Variants in SMYD3 observed in about 807,000 individuals in gnomAD.
SMYD3 encodes histone-lysine N-methyltransferase SMYD3.
In SMYD3, 36 loss-of-function variants were observed where a neutral mutation model predicts 57.7. The observed-to-expected ratio is 0.62, with a 90% CI of 0.48 to 0.82. The LOEUF is 0.82. Ranked by LOEUF, SMYD3 falls within the 40% of genes least tolerant of loss-of-function variation. SMYD3 has a pLI of 0.00. For missense variants in SMYD3, 515 were observed against 538.8 expected, an observed-to-expected ratio of 0.96 and a Z score of 0.44; for synonymous variants, 211 against 195.0, an observed-to-expected ratio of 1.08 and a Z score of -0.68.
At chr1:246,450,933 G>A (rs2067623558) in intron 1 of SMYD3, among the ~76,000 whole-genome samples, 1 of 152,042 alleles carries the variant, frequency 6.6e-6, no homozygotes, top group Admixed American at 6.5e-5. Flanking sequence ...ACTGTTCAGT[G>A]TACATGACTC....
chr1:246,332,674 G>C (rs1483019344), intron 3 of SMYD3, among the ~76,000 whole-genome samples: 5 of 152,208 alleles, frequency 3.3e-5, no homozygotes, highest in Non-Finnish European at 4.4e-5. Flanking sequence ...TGGCCATGGT[G>C]GTGGGCGCCT....
chr1:246,312,436 AAAAC>A (rs2065095329), intron 5 of SMYD3, among the ~76,000 whole-genome samples: 2 of 152,158 alleles, frequency 1.3e-5, no homozygotes, highest in Admixed American at 1.3e-4. Flanking sequence ...ATATAAAAAT[AAAAC>A]AATAGAGTCA....
chr1:245,953,156 T>A (rs768655120), intron 5 of SMYD3: 1 of 851,888 alleles, frequency 1.2e-6, no homozygotes. Context: ...CAAAGAGGAA[T>A]TGAAGCTAGT....
rs556362777 is a variant in SMYD3, at chr1:246,507,038, G to C, written c.164+16C>G. 172 of 1,496,762 alleles carry C rather than the reference G, an allele frequency of 1.1e-4. 1 individual carries two copies. In the African/African-American group the frequency reaches 2.2e-3, roughly 19 times the overall value. The allele number at this position is 1,496,762 out of a possible 1,614,324, so 92.7% of individuals were successfully genotyped here. ...ACAGCTCGCGACTCAGGTAGGCGAG[G>C]GCGCTCCTTACGCACCCGAGAAGGC... On this transcript the variant is annotated intron_variant, in intron 1 of 11. Transcript: ENST00000490107.
chr1:246,221,313 T>C lies in SMYD3; in HGVS notation c.531+105888A>G, dbSNP rs527996455. On this transcript the variant is annotated intron_variant, in intron 5 of 11. Coordinates refer to ENST00000490107, the MANE Select transcript of SMYD3 (RefSeq NM_001167740.2). The stretch of plus-strand genomic sequence containing the variant: ...GTTCTATTGCTCAGTAAAGCTCCTC[T>C]TCATCCTGCTCACCCTCCACATTGC... 5.3e-5 allele frequency among the ~76,000 whole-genome samples: 8 copies of C among 152,284 alleles called. No individual in the cohort carries two copies. The South Asian group carries it at 1.5e-3, about 28-fold the overall frequency.
At chr1:246,307,856 G>T (rs1193197175) in intron 5 of SMYD3, among the ~76,000 whole-genome samples, 1 of 152,114 alleles carries the variant, frequency 6.6e-6, no homozygotes, top group Non-Finnish European at 1.5e-5. Flanking sequence ...AAACAGGCAC[G>T]TCCGTCAAGC....
chr1:246,147,457 T>C (rs2148139698), intron 5 of SMYD3, among the ~76,000 whole-genome samples: 1 of 152,176 alleles, frequency 6.6e-6, no homozygotes, highest in South Asian at 2.1e-4. Flanking sequence ...TGTAATTCCA[T>C]CTATTGATGG....
intron 5 of SMYD3, among the ~76,000 whole-genome samples, chr1:245,977,959 G>A (rs1415738172): frequency 6.6e-6 from 1 of 152,160 alleles, no homozygotes; most frequent in African/African-American, 2.4e-5. Flanking sequence ...AGATAAAGAA[G>A]ATGTGAAGCA....
intron 1 of SMYD3, among the ~76,000 whole-genome samples, chr1:246,392,519 C>T (rs2066589113): frequency 6.6e-6 from 1 of 151,968 alleles, no homozygotes; most frequent in Admixed American, 6.6e-5. Flanking sequence ...TGCAGTGTGG[C>T]TCACTGCAGT....
At chr1:245,829,858 T>G (rs2049732666) in intron 10 of SMYD3, among the ~76,000 whole-genome samples, 1 of 152,074 alleles carries the variant, frequency 6.6e-6, no homozygotes, top group Admixed American at 6.6e-5. Context: ...GTGAAATAAG[T>G]CAGCCACAAA....
chr1:245,910,475 C>A (rs1273087397), intron 8 of SMYD3, among the ~76,000 whole-genome samples: 3 of 151,922 alleles, frequency 2.0e-5, no homozygotes, highest in Non-Finnish European at 4.4e-5. Flanking sequence ...CAAAAGCAAT[C>A]CTGGACAAAA....
chr1:245,830,958 C>G (rs535103735), intron 10 of SMYD3, among the ~76,000 whole-genome samples: 6 of 152,268 alleles, frequency 3.9e-5, no homozygotes, highest in African/African-American at 1.4e-4. Flanking sequence ...GGTCCTGCCC[C>G]CCTCCTCGCT....
intron 5 of SMYD3, among the ~76,000 whole-genome samples, chr1:246,013,230 AG>A (rs1270579524): frequency 6.6e-6 from 1 of 152,172 alleles, no homozygotes; most frequent in African/African-American, 2.4e-5. Flanking sequence ...CACCAGCTAG[AG>A]TAAAGTACTG....
At chr1:245,789,078 G>A (rs2047163252) in intron 10 of SMYD3, 1 of 152,100 alleles carries the variant, frequency 6.6e-6, no homozygotes, top group South Asian at 2.1e-4. Flanking sequence ...CTTGGAACAC[G>A]GCACCAGGAG....
At chr1:246,221,556 T>C (rs1384354093) in intron 5 of SMYD3, among the ~76,000 whole-genome samples, 3 of 152,184 alleles carry the variant, frequency 2.0e-5, no homozygotes, top group Admixed American at 6.5e-5. Flanking sequence ...CTGTGGTTCC[T>C]GGCATCTCCA....
intron 5 of SMYD3, among the ~76,000 whole-genome samples, chr1:246,200,631 C>G (rs911757855): frequency 8.1e-5 from 12 of 148,892 alleles, no homozygotes; most frequent in Non-Finnish European, 1.0e-4. Context: ...TAGAGGAGAA[C>G]AGCGTAGACA....
At chr1:245,853,853 C>G (rs1476711824) in intron 10 of SMYD3, among the ~76,000 whole-genome samples, 1 of 152,148 alleles carries the variant, frequency 6.6e-6, no homozygotes, top group Non-Finnish European at 1.5e-5. Flanking sequence ...ATTATACTTC[C>G]ACTCTCTCCA....
chr1:246,379,018 G>A (rs914676765), intron 1 of SMYD3, among the ~76,000 whole-genome samples: 84 of 141,702 alleles, frequency 5.9e-4, no homozygotes, highest in African/African-American at 1.9e-3. Flanking sequence ...CAGAGAAAAT[G>A]AGAAAGAAAA....
chr1:245,901,552 T>C (rs1298841498), intron 8 of SMYD3, among the ~76,000 whole-genome samples: 1 of 152,198 alleles, frequency 6.6e-6, no homozygotes, highest in Non-Finnish European at 1.5e-5. Flanking sequence ...AATCTAATAA[T>C]GTGCTGCAGT....
Sources: gnomAD v4.1 joint callset for allele counts (sites outside exome capture counted in the v4.1 genomes callset) on GRCh38, gnomAD v4.1.1 for gene constraint, MANE v1.5 for transcripts, NCBI Gene and HGNC (gene_info 2026-07-23, HGNC 2026-07-21) for gene names.